The following UTRN variants were observed in gnomAD, a reference collection of about 807,000 sequenced individuals.
UTRN encodes the protein utrophin, also known as dystrophin-related protein 1.
A neutral mutation model predicts 463.9 loss-of-function variants in UTRN; 283 were observed. The ratio of observed to expected loss-of-function variants is 0.61; its 90% CI spans 0.55 to 0.67. UTRN has a LOEUF of 0.67. UTRN is among the 30% of genes least tolerant of loss of function. The pLI is 0.00. For missense variants in UTRN, 3,922 were observed against 4,084.3 expected, an observed-to-expected ratio of 0.96 and a Z score of 1.08; for synonymous variants, 1,442 against 1,431.5, an observed-to-expected ratio of 1.01 and a Z score of -0.17.
chr6:144,713,779 G>T (rs1328348765), intron 53 of UTRN, among the ~76,000 whole-genome samples: 1 of 151,322 alleles, frequency 6.6e-6, no homozygotes. Context: ...AATTTGTCAG[G>T]CATAGCGGCA....
At chr6:144,813,443 T>A (rs1778808207) in intron 65 of UTRN, among the ~76,000 whole-genome samples, 1 of 152,068 alleles carries the variant, frequency 6.6e-6, no homozygotes, top group Admixed American at 6.6e-5. Flanking sequence ...CGCCTCGGCC[T>A]CCCCAAAGTG....
chr6:144,626,167 C>G (rs935636890), intron 51 of UTRN, among the ~76,000 whole-genome samples: 1 of 152,122 alleles, frequency 6.6e-6, no homozygotes, highest in Non-Finnish European at 1.5e-5. Flanking sequence ...TCATGCAAAT[C>G]TTGATTTACA....
At chr6:144,514,325 C>T (rs763919253) in intron 36 of UTRN, among the ~76,000 whole-genome samples, 172 of 152,316 alleles carry the variant, frequency 1.1e-3, no homozygotes, top group Non-Finnish European at 1.5e-3. Context: ...CCATTGAGTG[C>T]TGCTTACTTC....
intron 34 of UTRN, among the ~76,000 whole-genome samples, chr6:144,501,426 A>G (rs1173319292): frequency 5.3e-5 from 8 of 152,216 alleles, no homozygotes; most frequent in South Asian, 2.1e-4. Context: ...AAAATCACCT[A>G]TAATCAAACA....
chr6:144,612,496 C>T (rs1394677759), intron 51 of UTRN, among the ~76,000 whole-genome samples: 2 of 151,918 alleles, frequency 1.3e-5, no homozygotes, highest in Non-Finnish European at 2.9e-5. Context: ...TATAAGCACT[C>T]AACTCAGCAA....
intron 2 of UTRN, among the ~76,000 whole-genome samples, chr6:144,380,987 T>C (rs537633632): frequency 2.0e-5 from 3 of 152,016 alleles, no homozygotes; most frequent in Non-Finnish European, 2.9e-5. Context: ...TTTTTTTCTT[T>C]CTTTTTTTTT....
Position 144,803,108 on chromosome 6 carries a change from T to C in UTRN, c.9318T>C (p.Gly3106=). The part of the protein sequence containing the change: ...SCFFSGRTAK[G]HKLHYPMVEY... ...TCTTTTCGGGTCGAACAGCAAAAGG[T>C]CACAAATTACATTACCCAATGGTGG... Residue 3106 remains glycine, a synonymous_variant, in exon 65 of 75, where the codon GGT becomes GGC. Transcript: ENST00000367545. 2 of 1,595,954 alleles carry C rather than the reference T, an allele frequency of 1.3e-6. No individual in the cohort carries two copies. The highest frequency in any genetic ancestry group is 2.3e-5 in the East Asian group (1 of 44,128).
rs778238837 is a variant in UTRN, at chr6:144,561,258, TATAC to T, written c.7289+3953_7289+3956del. On this transcript the variant is annotated intron_variant, in intron 50 of 74. Transcript: ENST00000367545. The stretch of plus-strand genomic sequence containing the variant: ...ATATATATATATATATATATATATA[TATAC>T]ATACACACACACACGTATACACACC... Among the ~76,000 whole-genome samples the T allele has an allele frequency of 1.4e-3, 111 of 78,796 alleles. 2 individuals are homozygous for T. The highest frequency in any genetic ancestry group is 6.8e-3 in the Middle Eastern group (1 of 146). 51.7% of individuals were successfully genotyped at this position (78,796 alleles called of 152,430 possible).
intron 52 of UTRN, among the ~76,000 whole-genome samples, chr6:144,678,901 A>G (rs957650578): frequency 6.6e-6 from 1 of 152,134 alleles, no homozygotes; most frequent in African/African-American, 2.4e-5. Context: ...ATCTTTACAA[A>G]TGTTACTTTA....
At chr6:144,593,346 A>C (rs1399979300) in intron 51 of UTRN, among the ~76,000 whole-genome samples, 2 of 152,144 alleles carry the variant, frequency 1.3e-5, no homozygotes, top group African/African-American at 4.8e-5. Context: ...TATTAAACTA[A>C]AAAAATTTGG....
chr6:144,337,714 A>G (rs901108004), intron 2 of UTRN, among the ~76,000 whole-genome samples: 1 of 152,108 alleles, frequency 6.6e-6, no homozygotes, highest in African/African-American at 2.4e-5. Flanking sequence ...TCCCTGGTTC[A>G]AGTGATTCCC....
intron 2 of UTRN, among the ~76,000 whole-genome samples, chr6:144,356,323 C>A (rs1339380755): frequency 1.3e-5 from 2 of 152,158 alleles, no homozygotes; most frequent in Non-Finnish European, 2.9e-5. Context: ...GTGAATGTGT[C>A]AGTCCTATTA....
chr6:144,373,827 A>G (rs909657708), intron 2 of UTRN, among the ~76,000 whole-genome samples: 1 of 152,196 alleles, frequency 6.6e-6, no homozygotes. Flanking sequence ...ATTCCTAAAA[A>G]TATCAATTTC....
intron 2 of UTRN, among the ~76,000 whole-genome samples, chr6:144,309,515 C>T (rs1023493418): frequency 1.3e-5 from 2 of 152,304 alleles, no homozygotes; most frequent in East Asian, 1.9e-4. Context: ...CTTTCTTTCT[C>T]GTATACCCAC....
intron 2 of UTRN, among the ~76,000 whole-genome samples, chr6:144,354,553 T>G (rs9496940): frequency 6.6e-6 from 1 of 152,150 alleles, no homozygotes; most frequent in Admixed American, 6.5e-5. Flanking sequence ...AGTGCTCTAA[T>G]TGGTACTTTG....
intron 32 of UTRN, 33 bp from the exon 33 acceptor site, chr6:144,493,268 T>G: frequency 6.2e-7 from 1 of 1,610,104 alleles, no homozygotes; most frequent in East Asian, 2.2e-5. Context: ...CACCACAGTG[T>G]GTAATTTGTC....
At chr6:144,396,150 AAAG>A (rs1782389226) in intron 2 of UTRN, among the ~76,000 whole-genome samples, 1 of 152,186 alleles carries the variant, frequency 6.6e-6, no homozygotes, top group Non-Finnish European at 1.5e-5. Flanking sequence ...ACAAATGGAT[AAAG>A]AAACTGTAGT....
chr6:144,704,030 C>T (rs941461264), intron 53 of UTRN, among the ~76,000 whole-genome samples: 1 of 152,158 alleles, frequency 6.6e-6, no homozygotes, highest in Admixed American at 6.5e-5. Context: ...CCAGCTCAAA[C>T]AGTGGCAGGA....
At position 144,851,017 on chromosome 6, in the gene UTRN, A is replaced by T. The variant is rs1397423547; in HGVS notation, c.*20A>T. ...ATGTGAAGTATTCATCCGGCCAACC[A>T]ATGTTTCCTGACGTACAGTGTTGCC... On this transcript the variant is annotated 3_prime_UTR_variant, in exon 75 of 75. Coordinates refer to ENST00000367545, the MANE Select transcript of UTRN (RefSeq NM_007124.3). 2.5e-6 allele frequency: 4 copies of T among 1,613,496 alleles called. No homozygotes were observed. The Admixed American group carries it at 5.0e-5, about 20-fold the overall frequency.
Sources: allele counts gnomAD v4.1 joint callset (sites outside exome capture counted in the v4.1 genomes callset), GRCh38; gene constraint gnomAD v4.1.1; transcripts MANE v1.5; gene names NCBI Gene and HGNC (gene_info 2026-07-23, HGNC 2026-07-21).